The following CTNNA2 variants were observed in gnomAD, a reference collection of about 807,000 sequenced individuals.
CTNNA2 encodes catenin alpha 2.
In CTNNA2, 42 loss-of-function variants were observed where a neutral mutation model predicts 101.0. That is an observed-to-expected ratio of 0.42 (90% CI 0.32 to 0.54). The LOEUF (loss-of-function observed/expected upper bound fraction) is 0.54. CTNNA2 is among the 20% of genes least tolerant of loss of function. The pLI is 0.14. For missense variants in CTNNA2, 871 were observed against 1,223.1 expected (o/e 0.71, Z 4.29); for synonymous variants, 450 against 456.4 (o/e 0.99, Z 0.18).
chr2:80,004,206 C>T (rs567280136), intron 7 of CTNNA2, among the ~76,000 whole-genome samples: 6 of 152,154 alleles, frequency 3.9e-5, no homozygotes, highest in South Asian at 4.2e-4. Flanking sequence ...TTTATTTGGG[C>T]GCAATAACTA....
At chr2:79,683,370 C>T (rs1284330302) in intron 2 of CTNNA2, among the ~76,000 whole-genome samples, 1 of 152,142 alleles carries the variant, frequency 6.6e-6, no homozygotes, top group Non-Finnish European at 1.5e-5. Flanking sequence ...AATAACAATA[C>T]ACAGTACTTT....
chr2:79,323,695 G>A (rs1231580373), intron 3 of CTNNA2, among the ~76,000 whole-genome samples: 1 of 152,180 alleles, frequency 6.6e-6, no homozygotes, highest in Non-Finnish European at 1.5e-5. Flanking sequence ...AGTGATTGGT[G>A]CAGGATTAGG....
In CTNNA2 at chr2:80,081,015, C is replaced by T. The variant is rs143538850; in HGVS notation, c.1056+171218C>T. 4.4e-3 allele frequency among the ~76,000 whole-genome samples: 611 copies of T among 139,810 alleles called. 5 individuals are homozygous for T. Among genetic ancestry groups the T allele is most frequent in the African/African-American group, 0.015 (567 of 36,848 alleles). The allele number at this position is 139,810 out of a possible 152,430, so 91.7% of individuals were successfully genotyped here. On this transcript the variant is annotated intron_variant, in intron 7 of 18. Transcript: ENST00000402739. ...GCAGATACATGGGACATACTTTATA[C>T]GTGTGGAACCAGTTATAGAAATGCC...
intron 4 of CTNNA2, among the ~76,000 whole-genome samples, chr2:79,387,375 C>T (rs1678116971): frequency 1.3e-5 from 2 of 152,162 alleles, no homozygotes; most frequent in East Asian, 1.9e-4. Flanking sequence ...CAGATTAGCT[C>T]GTCAGGGAAT....
At chr2:80,463,071 T>C (rs1268806004) in intron 9 of CTNNA2, among the ~76,000 whole-genome samples, 1 of 152,186 alleles carries the variant, frequency 6.6e-6, no homozygotes, top group African/African-American at 2.4e-5. Context: ...GTTGGCGCTG[T>C]GATGCGATGC....
At chr2:79,982,664 G>T (rs1002518547) in intron 7 of CTNNA2, among the ~76,000 whole-genome samples, 1 of 151,778 alleles carries the variant, frequency 6.6e-6, no homozygotes, top group Non-Finnish European at 1.5e-5. Context: ...CTATGCCGGT[G>T]GCACCCCCTG....
rs568348144 is a variant in CTNNA2 at position 80,435,473 on chromosome 2, A to G, written c.1290+15872A>G. On this transcript the variant is annotated intron_variant, in intron 9 of 18. Coordinates refer to ENST00000402739, the MANE Select transcript of CTNNA2 (RefSeq NM_001282597.3). Reference sequence around the variant, plus strand: ...TCACTATTTAAAAAGATGCCCTAGTATTCTGAAACTACTTCCAGAAGGGGA... The same window carrying G: ...TCACTATTTAAAAAGATGCCCTAGTGTTCTGAAACTACTTCCAGAAGGGGA... 2.6e-5 allele frequency among the ~76,000 whole-genome samples: 4 copies of G among 152,252 alleles called. No individual in the cohort carries two copies. The East Asian group carries it at 7.7e-4, about 29-fold the overall frequency.
chr2:80,560,155 C>A (rs1188996567), intron 12 of CTNNA2, among the ~76,000 whole-genome samples: 1 of 151,402 alleles, frequency 6.6e-6, no homozygotes, highest in African/African-American at 2.4e-5. Flanking sequence ...TTGGAAAATA[C>A]GTGGGCCAAG....
At chr2:79,476,633 C>T (rs547031713) in intron 4 of CTNNA2, among the ~76,000 whole-genome samples, 1 of 152,290 alleles carries the variant, frequency 6.6e-6, no homozygotes, top group South Asian at 2.1e-4. Flanking sequence ...CTACTGCCAA[C>T]TTGACTTCTA....
intron 1 of CTNNA2, among the ~76,000 whole-genome samples, chr2:79,527,557 A>C (rs529974578): frequency 1.6e-4 from 24 of 151,934 alleles, no homozygotes; most frequent in African/African-American, 5.8e-4. Flanking sequence ...AGGCAGGAGA[A>C]TAGCTTGAAC....
chr2:80,267,062 T>C (rs555710212), intron 7 of CTNNA2, among the ~76,000 whole-genome samples: 2 of 152,154 alleles, frequency 1.3e-5, no homozygotes, highest in Admixed American at 1.3e-4. Context: ...GAAAAACACC[T>C]ATGTCAGGCT....
At chr2:79,994,455 T>C (rs1030428518) in intron 7 of CTNNA2, among the ~76,000 whole-genome samples, 1 of 152,160 alleles carries the variant, frequency 6.6e-6, no homozygotes, top group Admixed American at 6.6e-5. Context: ...AGAGAGTGGC[T>C]TTTTGAAAGC....
At chr2:80,529,746 G>A (rs543288209) in intron 9 of CTNNA2, among the ~76,000 whole-genome samples, 1 of 152,222 alleles carries the variant, frequency 6.6e-6, no homozygotes, top group South Asian at 2.1e-4. Flanking sequence ...CTTCTCTCTG[G>A]TACTATTAGT....
At chr2:80,467,322 A>G (rs1486457391) in intron 9 of CTNNA2, among the ~76,000 whole-genome samples, 2 of 152,214 alleles carry the variant, frequency 1.3e-5, no homozygotes, top group African/African-American at 2.4e-5. Context: ...TGAAAATCAA[A>G]TAAAGTCTCT....
At chr2:80,165,831 A>G (rs1022548375) in intron 7 of CTNNA2, among the ~76,000 whole-genome samples, 2 of 152,154 alleles carry the variant, frequency 1.3e-5, no homozygotes, top group Admixed American at 1.3e-4. Context: ...TTGGCGTTCT[A>G]CTTGGGCTTC....
At chr2:79,437,257 A>T (rs959461463) in intron 4 of CTNNA2, among the ~76,000 whole-genome samples, 5 of 151,874 alleles carry the variant, frequency 3.3e-5, no homozygotes, top group African/African-American at 1.2e-4. Flanking sequence ...TTAGAGATAT[A>T]TATATGTAGA....
chr2:80,405,116 A>T (rs1217014616), intron 8 of CTNNA2, among the ~76,000 whole-genome samples: 2 of 152,152 alleles, frequency 1.3e-5, no homozygotes, highest in Non-Finnish European at 2.9e-5. Flanking sequence ...AGCCATCTTG[A>T]TCATCTGATC....
intron 2 of CTNNA2, among the ~76,000 whole-genome samples, chr2:79,310,902 TAG>T (rs1482439206): frequency 6.6e-6 from 1 of 152,224 alleles, no homozygotes; most frequent in Non-Finnish European, 1.5e-5. Flanking sequence ...TGTATTTCTT[TAG>T]AGTGGCCATC....
intron 7 of CTNNA2, among the ~76,000 whole-genome samples, chr2:80,152,514 AGTTT>A (rs752622759): frequency 1.8e-4 from 28 of 152,216 alleles, no homozygotes; most frequent in Middle Eastern, 3.4e-3. Flanking sequence ...TTTGATGAGA[AGTTT>A]GTTTGTTTTT....
Sources: gnomAD v4.1 joint callset for allele counts (sites outside exome capture counted in the v4.1 genomes callset) on GRCh38, gnomAD v4.1.1 for gene constraint, MANE v1.5 for transcripts, NCBI Gene and HGNC (gene_info 2026-07-23, HGNC 2026-07-21) for gene names.